The following RBMS1 variants were observed in gnomAD, a reference collection of about 807,000 sequenced individuals.
RBMS1 encodes the protein RNA binding motif single stranded interacting protein 1.
RBMS1 carries 17 observed loss-of-function variants against 62.3 expected under a neutral mutation model. The observed-to-expected ratio is 0.27, with a 90% CI of 0.19 to 0.41. RBMS1 has a LOEUF of 0.41. Among genes scored for constraint, RBMS1 ranks in the 10% least tolerant of loss-of-function variants. RBMS1 has a pLI of 1.00. For missense variants in RBMS1, 334 were observed against 504.5 expected, an observed-to-expected ratio of 0.66 and a Z score of 3.24; for synonymous variants, 172 against 170.0, an observed-to-expected ratio of 1.01 and a Z score of -0.09.
intron 4 of RBMS1, among the ~76,000 whole-genome samples, chr2:160,310,711 C>T (rs191326206): frequency 7.6e-6 from 1 of 131,132 alleles, no homozygotes; most frequent in African/African-American, 2.8e-5. Context: ...CCGAGTGTGC[C>T]CTAAAAGTCC....
chr2:160,464,598 T>C (rs987674677), intron 1 of RBMS1, among the ~76,000 whole-genome samples: 2 of 152,216 alleles, frequency 1.3e-5, no homozygotes, highest in African/African-American at 4.8e-5. Flanking sequence ...CTGTTAACAC[T>C]ATCAGGTGGT....
chr2:160,382,972 C>G lies in RBMS1; in HGVS notation c.76-15581G>C, dbSNP rs773331781. 2.6e-5 allele frequency among the ~76,000 whole-genome samples: 4 copies of G among 152,016 alleles called. No homozygotes were observed. The South Asian group carries it at 8.3e-4, about 32-fold the overall frequency. ...CTCCTGTCAGGAAACGTAAAATGTA[C>G]GATTTATACAGTAACTACAACACTG... On this transcript the variant is annotated intron_variant, in intron 1 of 13. Transcript: ENST00000348849.
intron 1 of RBMS1, among the ~76,000 whole-genome samples, chr2:160,409,352 C>T (rs115603318): frequency 6.6e-5 from 10 of 150,894 alleles, no homozygotes; most frequent in African/African-American, 9.7e-5. Flanking sequence ...TAAGAACTTG[C>T]CAGACAAAAT....
At chr2:160,490,584 G>A (rs553326776) in intron 1 of RBMS1, among the ~76,000 whole-genome samples, 9 of 152,034 alleles carry the variant, frequency 5.9e-5, no homozygotes, top group Non-Finnish European at 1.2e-4. Context: ...AAATGTGGAA[G>A]TAACTAGTAT....
intron 1 of RBMS1, among the ~76,000 whole-genome samples, chr2:160,465,739 C>T (rs1684659561): frequency 1.3e-5 from 2 of 152,028 alleles, no homozygotes; most frequent in Non-Finnish European, 2.9e-5. Flanking sequence ...CATCAGATTA[C>T]GAAACTGATT....
At chr2:160,445,245 G>T (rs191398317) in intron 1 of RBMS1, among the ~76,000 whole-genome samples, 1 of 151,994 alleles carries the variant, frequency 6.6e-6, no homozygotes, top group South Asian at 2.1e-4. Flanking sequence ...AATACATGCA[G>T]GTTAAGACAT....
chr2:160,333,656 C>T (rs968579696), intron 2 of RBMS1, among the ~76,000 whole-genome samples: 1 of 152,126 alleles, frequency 6.6e-6, no homozygotes, highest in African/African-American at 2.4e-5. Flanking sequence ...CTTCCCAAAC[C>T]ACACAATTCA....
In RBMS1 at chr2:160,336,764, C is replaced by T. The variant is rs188455860; in HGVS notation, c.252-18537G>A. Among the ~76,000 whole-genome samples the T allele has an allele frequency of 2.3e-3, 351 of 152,290 alleles. 1 individual carries two copies. Among genetic ancestry groups the T allele is most frequent in the African/African-American group, 8.1e-3 (336 of 41,550 alleles). On this transcript the variant is annotated intron_variant, in intron 2 of 13. Coordinates refer to ENST00000348849, the MANE Select transcript of RBMS1 (RefSeq NM_016836.4). ...AGCGTATCTCTATTTGGACTCGCCACATTTCAAGCACTCAATAGCCACATG... is the reference window on the plus strand; with the variant it reads ...AGCGTATCTCTATTTGGACTCGCCATATTTCAAGCACTCAATAGCCACATG...
chr2:160,476,059 T>C (rs1182975728), intron 1 of RBMS1, among the ~76,000 whole-genome samples: 1 of 152,118 alleles, frequency 6.6e-6, no homozygotes, highest in Non-Finnish European at 1.5e-5. Flanking sequence ...GGTTTTGCCA[T>C]GTTGCACAGG....
intron 1 of RBMS1, among the ~76,000 whole-genome samples, chr2:160,370,482 C>G (rs1284705543): frequency 3.3e-5 from 5 of 152,146 alleles, no homozygotes; most frequent in Non-Finnish European, 7.4e-5. Flanking sequence ...AAGATACAGA[C>G]TCTGCTGAGT....
intron 2 of RBMS1, among the ~76,000 whole-genome samples, chr2:160,326,645 A>G (rs530065485): frequency 6.6e-6 from 1 of 152,132 alleles, no homozygotes; most frequent in Non-Finnish European, 1.5e-5. Context: ...ATTAACGAAA[A>G]TTTTTGTCCA....
At chr2:160,439,136 G>C (rs1157004543) in intron 1 of RBMS1, among the ~76,000 whole-genome samples, 1 of 146,626 alleles carries the variant, frequency 6.8e-6, no homozygotes, top group Non-Finnish European at 1.5e-5. Flanking sequence ...GGCTGGCCGG[G>C]CGGGGGGCTG....
At chr2:160,372,306 A>G (rs1693767148) in intron 1 of RBMS1, among the ~76,000 whole-genome samples, 1 of 151,904 alleles carries the variant, frequency 6.6e-6, no homozygotes, top group South Asian at 2.1e-4. Flanking sequence ...CTTATAGTTC[A>G]AGAAGGTTAT....
intron 1 of RBMS1, among the ~76,000 whole-genome samples, chr2:160,374,372 T>C (rs1166231589): frequency 6.6e-6 from 1 of 152,188 alleles, no homozygotes; most frequent in Non-Finnish European, 1.5e-5. Context: ...GGATCATTCT[T>C]CACAAAAGCC....
intron 6 of RBMS1, among the ~76,000 whole-genome samples, chr2:160,299,839 G>T (rs1689121782): frequency 6.6e-6 from 1 of 152,144 alleles, no homozygotes; most frequent in Non-Finnish European, 1.5e-5. Flanking sequence ...GCTAGGGAAG[G>T]GTAAGGAAGC....
At chr2:160,371,080 A>G (rs1306244298) in intron 1 of RBMS1, among the ~76,000 whole-genome samples, 1 of 152,246 alleles carries the variant, frequency 6.6e-6, no homozygotes, top group Non-Finnish European at 1.5e-5. Flanking sequence ...GACGTGACTT[A>G]AAACAGTGAA....
intron 1 of RBMS1, among the ~76,000 whole-genome samples, chr2:160,445,248 TA>T (rs1187929001): frequency 6.6e-6 from 1 of 152,224 alleles, no homozygotes; most frequent in Non-Finnish European, 1.5e-5. Context: ...ACATGCAGGT[TA>T]AGACATGTTT....
intron 1 of RBMS1, among the ~76,000 whole-genome samples, chr2:160,423,630 T>C (rs1361641229): frequency 1.3e-5 from 2 of 151,516 alleles, no homozygotes; most frequent in East Asian, 1.9e-4. Flanking sequence ...CTTTACCATC[T>C]TTTTTTCTCT....
chr2:160,326,990 G>T (rs1374644536), intron 2 of RBMS1, among the ~76,000 whole-genome samples: 1 of 152,204 alleles, frequency 6.6e-6, no homozygotes, highest in African/African-American at 2.4e-5. Flanking sequence ...AGCCACAGAT[G>T]CAAAGCCTGC....
Sources: gnomAD v4.1 joint callset for allele counts (sites outside exome capture counted in the v4.1 genomes callset) on GRCh38, gnomAD v4.1.1 for gene constraint, MANE v1.5 for transcripts, NCBI Gene and HGNC (gene_info 2026-07-23, HGNC 2026-07-21) for gene names.